Variants in ELOVL6 observed in about 807,000 individuals in gnomAD.
ELOVL6 encodes ELOVL fatty acid elongase 6, also known as very long chain fatty acid elongase 6.
Under a neutral mutation model 31.7 loss-of-function variants are expected in ELOVL6, and 8 were observed. The ratio of observed to expected loss-of-function variants is 0.25; its 90% CI spans 0.15 to 0.45. The LOEUF (loss-of-function observed/expected upper bound fraction) is 0.45. Among genes scored for constraint, ELOVL6 ranks in the 20% least tolerant of loss-of-function variants. The pLI is 1.00. For missense variants in ELOVL6, 126 were observed against 326.4 expected, an observed-to-expected ratio of 0.39 and a Z score of 4.73; for synonymous variants, 101 against 117.7, an observed-to-expected ratio of 0.86 and a Z score of 0.92.
At chr4:110,111,356 TCC>T (rs1757029341) in intron 1 of ELOVL6, among the ~76,000 whole-genome samples, 2 of 67,042 alleles carry the variant, frequency 3.0e-5, no homozygotes, top group African/African-American at 1.2e-4. Flanking sequence ...TCCTTAGAAT[TCC>T]TTTTTTTTTT....
At chr4:110,153,121 G>A (rs1758325769) in intron 1 of ELOVL6, among the ~76,000 whole-genome samples, 1 of 152,146 alleles carries the variant, frequency 6.6e-6, no homozygotes. Context: ...CAGCTTGTAA[G>A]TAGGAAACCA....
intron 2 of ELOVL6, among the ~76,000 whole-genome samples, chr4:110,084,727 T>C (rs903609809): frequency 6.7e-6 from 1 of 149,646 alleles, no homozygotes. Context: ...CCTGAGTAGC[T>C]GGGGCTACAG....
intron 1 of ELOVL6, among the ~76,000 whole-genome samples, chr4:110,165,901 T>G (rs552665062): frequency 8.5e-4 from 129 of 152,284 alleles, no homozygotes; most frequent in African/African-American, 3.1e-3. Context: ...ATCTGGGAAG[T>G]GGGAAAAGAG....
chr4:110,143,375 T>C (rs962678055), intron 1 of ELOVL6, among the ~76,000 whole-genome samples: 40 of 152,188 alleles, frequency 2.6e-4, no homozygotes, highest in African/African-American at 9.4e-4. Context: ...AGTTCAATCT[T>C]TTTTCAATGG....
At chr4:110,085,610 G>A (rs1037954852) in intron 2 of ELOVL6, among the ~76,000 whole-genome samples, 20 of 152,160 alleles carry the variant, frequency 1.3e-4, no homozygotes, top group Admixed American at 1.3e-4. Flanking sequence ...TGGTGAGGGG[G>A]CATTGGGTGG....
chr4:110,084,326 G>GATAT lies in ELOVL6; in HGVS notation c.221+21167_221+21170dup, dbSNP rs377083845. On this transcript the variant is annotated intron_variant, in intron 2 of 3. Coordinates refer to ENST00000302274, the MANE Select transcript of ELOVL6 (RefSeq NM_024090.3). ...TATAACATATAACATATATAAATTT[G>GATAT]ATATATATCACATATATGATATATG... 5.8e-3 allele frequency among the ~76,000 whole-genome samples: 436 copies of GATAT among 75,278 alleles called. 31 individuals are homozygous for GATAT. The highest frequency in any genetic ancestry group is 0.021 in the African/African-American group (416 of 19,588). The allele number at this position is 75,278 out of a possible 152,430, so 49.4% of individuals were successfully genotyped here.
At chr4:110,059,080 C>G (rs1262592717) in intron 3 of ELOVL6, among the ~76,000 whole-genome samples, 1 of 152,170 alleles carries the variant, frequency 6.6e-6, no homozygotes, top group East Asian at 1.9e-4. Flanking sequence ...AGGTAAATTA[C>G]ATTCCCCTTC....
intron 1 of ELOVL6, among the ~76,000 whole-genome samples, chr4:110,129,259 T>C (rs1305710998): frequency 6.6e-6 from 1 of 152,232 alleles, no homozygotes; most frequent in Non-Finnish European, 1.5e-5. Flanking sequence ...GTGAGACACA[T>C]CTACACTGGA....
chr4:110,094,873 A>G (rs1756535307), intron 2 of ELOVL6, among the ~76,000 whole-genome samples: 1 of 152,196 alleles, frequency 6.6e-6, no homozygotes, highest in Non-Finnish European at 1.5e-5. Context: ...ATCACATATG[A>G]CTGCAAAACT....
rs114011380 is a variant in ELOVL6 at position 110,109,980 on chromosome 4, G to A, written c.90-4352C>T. 5.1e-3 allele frequency among the ~76,000 whole-genome samples: 783 copies of A among 152,176 alleles called. 6 individuals carry two copies. The highest frequency in any genetic ancestry group is 0.018 in the African/African-American group (748 of 41,518). ...GAGGGGAAAAAATGAAAAGGGCACC[G>A]CCCAGTTCAGCTGATACCTATCTAC... On this transcript the variant is annotated intron_variant, in intron 1 of 3. Transcript: ENST00000302274.
intron 2 of ELOVL6, among the ~76,000 whole-genome samples, chr4:110,084,035 GTATATAACACATGCTATATATGA>G (rs1756013948): frequency 4.0e-4 from 3 of 7,470 alleles, no homozygotes; most frequent in Non-Finnish European, 7.8e-4. Context: ...GCCATATATG[GTATATAACACATGCTATATATGA>G]TATATAACAT....
chr4:110,148,718 G>A (rs1029905673), intron 1 of ELOVL6, among the ~76,000 whole-genome samples: 30 of 151,634 alleles, frequency 2.0e-4, no homozygotes, highest in African/African-American at 6.8e-4. Flanking sequence ...TACACTGCAT[G>A]CCTGTATCAA....
At chr4:110,129,268 G>C (rs554011012) in intron 1 of ELOVL6, among the ~76,000 whole-genome samples, 88 of 151,996 alleles carry the variant, frequency 5.8e-4, no homozygotes, top group Non-Finnish European at 1.0e-3. Flanking sequence ...ATCTACACTG[G>C]ATTGCTTTCT....
At chr4:110,138,885 C>G (rs1757878423) in intron 1 of ELOVL6, among the ~76,000 whole-genome samples, 1 of 152,042 alleles carries the variant, frequency 6.6e-6, no homozygotes, top group Non-Finnish European at 1.5e-5. Flanking sequence ...CCCATAGTAC[C>G]TAAGCCAAGG....
At chr4:110,085,215 C>T (rs936488665) in intron 2 of ELOVL6, among the ~76,000 whole-genome samples, 3 of 152,172 alleles carry the variant, frequency 2.0e-5, no homozygotes, top group Admixed American at 2.0e-4. Flanking sequence ...CTGGAATATT[C>T]TTCTCCTAGG....
In ELOVL6 at chr4:110,051,752, T is replaced by C. The variant is rs140245379; in HGVS notation, c.384A>G (p.Ile128Met). 16 of 1,612,270 alleles carry C rather than the reference T, an allele frequency of 9.9e-6. No individual in the cohort carries two copies. Among genetic ancestry groups the C allele is most frequent in the Non-Finnish European group, 1.2e-5 (14 of 1,179,306 alleles). ...GCTTCTGCTTCCTCAGAATAATGAA[T>C]ATTGTATCTCCTGGAAGACAAAGAG... ...LSKAPELGDT[I>M]FIILRKQKLI... is the part of the protein sequence containing the mutation. Residue 128 changes from isoleucine (I) to methionine (M), a missense_variant, in exon 4 of 4, where the codon ATA (isoleucine) becomes ATG (methionine). This residue lies in a region of ELOVL6 where 53 missense variants were observed against 193.4 expected (regional missense o/e 0.27). Coordinates refer to ENST00000302274, the MANE Select transcript of ELOVL6 (RefSeq NM_024090.3). The surrounding 1 kb of genome is among the most constrained non-coding windows in gnomAD (Gnocchi z 4.8).
At chr4:110,164,977 T>A (rs1758730993) in intron 1 of ELOVL6, among the ~76,000 whole-genome samples, 1 of 151,976 alleles carries the variant, frequency 6.6e-6, no homozygotes, top group Non-Finnish European at 1.5e-5. Flanking sequence ...GAGCTGGGAC[T>A]ACACGTGCAC....
intron 1 of ELOVL6, among the ~76,000 whole-genome samples, chr4:110,192,373 C>T (rs1408519962): frequency 6.6e-6 from 1 of 152,046 alleles, no homozygotes; most frequent in Non-Finnish European, 1.5e-5. Context: ...GCAATCCTCA[C>T]TAAAGGAAAA....
chr4:110,112,386 A>G (rs1315285615), intron 1 of ELOVL6, among the ~76,000 whole-genome samples: 4 of 152,222 alleles, frequency 2.6e-5, no homozygotes, highest in Non-Finnish European at 5.9e-5. Flanking sequence ...GCATTATTTC[A>G]GTAGAGTTGA....
Sources: allele counts gnomAD v4.1 joint callset (sites outside exome capture counted in the v4.1 genomes callset), GRCh38; gene constraint gnomAD v4.1.1; regional missense constraint gnomAD v4.1.1; non-coding constraint Gnocchi (gnomAD v3.1); transcripts MANE v1.5; gene names NCBI Gene and HGNC (gene_info 2026-07-23, HGNC 2026-07-21).